Variants in TBL1Y observed in about 807,000 individuals in gnomAD.
The protein encoded by TBL1Y is transducin beta like 1 Y-linked.
A neutral mutation model predicts 12.0 loss-of-function variants in TBL1Y; 15 were observed. The ratio of observed to expected loss-of-function variants is 1.25; its 90% CI spans 0.83 to 1.92. TBL1Y has a LOEUF of 1.92. Among genes scored for constraint, TBL1Y ranks in the 40% most tolerant of loss-of-function variants. The pLI, the probability that TBL1Y is intolerant of heterozygous loss-of-function variation, is 0.00. For synonymous variants in TBL1Y, 53 were observed against 42.6 expected (o/e 1.24, Z -0.95); for missense variants, 148 against 116.7 (o/e 1.27, Z -1.24).
At chrY:7,051,687 C>G (rs2012798599) in intron 7 of TBL1Y, among the ~76,000 whole-genome samples, 1 of 33,464 alleles carries the variant, frequency 3.0e-5, no homozygotes, top group Non-Finnish European at 7.4e-5. Flanking sequence ...GGCACATTTT[C>G]TATACAGAAT....
chrY:7,013,497 C>CAT (rs2012531488), intron 4 of TBL1Y, among the ~76,000 whole-genome samples: 1 of 34,617 alleles, frequency 2.9e-5, no homozygotes, highest in Non-Finnish European at 7.3e-5. Context: ...GCCATTGCTC[C>CAT]ATACATGAGT....
At chrY:7,073,072 G>A in intron 12 of TBL1Y, among the ~76,000 whole-genome samples, 1 of 33,825 alleles carries the variant, frequency 3.0e-5, no homozygotes, top group Non-Finnish European at 7.3e-5. Flanking sequence ...TGATGATTTC[G>A]GGATAACTTG....
rs777993608 is a variant in TBL1Y at position 7,059,231 on chromosome Y, T to C, written c.205-4666T>C. Reference sequence around the variant, plus strand: ...ACAGAGCTGTCTTTGACTTGGCAAGTCCCCAGGGGTATAACAAGGCAAGCA... The same window carrying C: ...ACAGAGCTGTCTTTGACTTGGCAAGCCCCCAGGGGTATAACAAGGCAAGCA... On this transcript the variant is annotated intron_variant, in intron 7 of 18. Coordinates refer to ENST00000383032, the MANE Select transcript of TBL1Y (RefSeq NM_033284.2). Among the ~76,000 whole-genome samples, 16 of 32,948 alleles carry C rather than the reference T, an allele frequency of 4.9e-4. No individual in the cohort carries two copies. In the East Asian group the frequency reaches 0.013, roughly 26 times the overall value. The allele number at this position is 32,948 out of a possible 37,273, so 88.4% of individuals were successfully genotyped here.
chrY:6,989,175 G>A (rs2012344868), intron 3 of TBL1Y, among the ~76,000 whole-genome samples: 1 of 32,561 alleles, frequency 3.1e-5, no homozygotes, highest in African/African-American at 1.2e-4. Flanking sequence ...AGCCGAGATC[G>A]TGCCAGTGCA....
intron 2 of TBL1Y, among the ~76,000 whole-genome samples, chrY:6,954,803 G>A: frequency 1.5e-4 from 5 of 33,574 alleles, no homozygotes; most frequent in African/African-American, 5.8e-4. Context: ...TCTTGGAACC[G>A]CCTCTGTGGG....
intron 4 of TBL1Y, among the ~76,000 whole-genome samples, chrY:7,018,064 T>G: frequency 3.0e-5 from 1 of 33,702 alleles, no homozygotes; most frequent in African/African-American, 1.2e-4. Context: ...AACTATATCT[T>G]GAAATTTCTG....
At chrY:7,089,543 C>T (rs745602927) in intron 17 of TBL1Y, among the ~76,000 whole-genome samples, 1 of 33,640 alleles carries the variant, frequency 3.0e-5, no homozygotes, top group African/African-American at 1.2e-4. Flanking sequence ...GTAATCGCAA[C>T]ACTTTGGGAG....
At position 7,064,107 on chromosome Y, in the gene TBL1Y, G is replaced by A. The variant is rs375303287; in HGVS notation, c.415G>A (p.Glu139Lys). 1 of 398,756 alleles carries A rather than the reference G, an allele frequency of 2.5e-6. No homozygotes were observed. The highest frequency in any genetic ancestry group is 3.5e-6 in the Non-Finnish European group (1 of 283,592). Residue 139 changes from glutamate to lysine, a missense_variant, in exon 8 of 19, where the codon GAG (glutamate) becomes AAG (lysine). Transcript: ENST00000383032. ...CCAGCAAAATCCTCCAAAGAACCGA[G>A]AGGCCACAGTGAACGGGGAAGAGAA... ...ISQQNPPKNR[E>K]ATVNGEENGA...
chrY:7,064,256 G>T, intron 8 of TBL1Y, 107 bp downstream of exon 8: 1 of 246,578 alleles, frequency 4.1e-6, no homozygotes, highest in Non-Finnish European at 6.3e-6. Context: ...TGATATAAAT[G>T]TCTTAGTAGC....
chrY:6,967,539 CATATCCTGCTA>C (rs2012178347), intron 2 of TBL1Y, among the ~76,000 whole-genome samples: 1 of 33,213 alleles, frequency 3.0e-5, no homozygotes, highest in African/African-American at 1.2e-4. Flanking sequence ...CGTGCGCCAC[CATATCCTGCTA>C]ATTTTTGTAT....
intron 2 of TBL1Y, among the ~76,000 whole-genome samples, chrY:6,922,359 C>T (rs2011786655): frequency 3.2e-4 from 11 of 34,521 alleles, no homozygotes; most frequent in Non-Finnish European, 8.0e-4. Context: ...GTCCGTTTTG[C>T]AGAAAGCCAA....
At chrY:7,006,775 C>A in intron 4 of TBL1Y, among the ~76,000 whole-genome samples, 3 of 33,084 alleles carry the variant, frequency 9.1e-5, no homozygotes, top group Admixed American at 8.3e-4. Flanking sequence ...AAAAAACAAA[C>A]AACCCCATCA....
At chrY:7,050,578 G>A in intron 7 of TBL1Y, among the ~76,000 whole-genome samples, 1 of 21,782 alleles carries the variant, frequency 4.6e-5, no homozygotes. Flanking sequence ...GAGAGAGAGA[G>A]AAATATAACT....
chrY:7,080,220 G>A (rs752965570), intron 13 of TBL1Y, among the ~76,000 whole-genome samples: 3 of 30,350 alleles, frequency 9.9e-5, no homozygotes, highest in South Asian at 8.0e-4. Flanking sequence ...GACTACAGGC[G>A]TGTGCCACCA....
intron 8 of TBL1Y, among the ~76,000 whole-genome samples, chrY:7,066,854 G>A: frequency 3.1e-5 from 1 of 32,637 alleles, no homozygotes; most frequent in Non-Finnish European, 7.5e-5. Context: ...CCTGTAGTCC[G>A]AGGTACTCAG....
chrY:7,064,269 C>G, intron 8 of TBL1Y, 120 bp downstream of exon 8: 1 of 228,378 alleles, frequency 4.4e-6, no homozygotes, highest in Non-Finnish European at 6.8e-6. Context: ...TTAGTAGCTG[C>G]TCTTTATTGT....
At chrY:6,922,637 G>A (rs2011790144) in intron 2 of TBL1Y, among the ~76,000 whole-genome samples, 1 of 34,387 alleles carries the variant, frequency 2.9e-5, no homozygotes, top group Admixed American at 2.6e-4. Flanking sequence ...AGTGCTTGGT[G>A]CGTTTACAAA....
intron 3 of TBL1Y, among the ~76,000 whole-genome samples, chrY:6,988,616 C>T (rs2012338313): frequency 3.2e-5 from 1 of 30,869 alleles, no homozygotes; most frequent in African/African-American, 1.3e-4. Flanking sequence ...GTCGTGATTG[C>T]ACCACTGCAC....
intron 4 of TBL1Y, among the ~76,000 whole-genome samples, chrY:7,011,922 C>T (rs2012521249): frequency 6.1e-5 from 2 of 33,013 alleles, no homozygotes; most frequent in African/African-American, 2.4e-4. Context: ...CAGTGGTTTC[C>T]AGTTGGAGTT....
Sources: allele counts gnomAD v4.1 joint callset (sites outside exome capture counted in the v4.1 genomes callset), GRCh38; gene constraint gnomAD v4.1.1; transcripts MANE v1.5; gene names NCBI Gene and HGNC (gene_info 2026-07-23, HGNC 2026-07-21).